The following DENND1A variants were observed in gnomAD, a reference collection of about 807,000 sequenced individuals.
DENND1A encodes the protein DENN domain containing 1A, also known as DENN domain-containing protein 1A.
DENND1A carries 51 observed loss-of-function variants against 113.7 expected under a neutral mutation model. The observed-to-expected ratio is 0.45, with a 90% CI of 0.36 to 0.57. DENND1A has a LOEUF of 0.57. Ranked by LOEUF, DENND1A falls within the 20% of genes least tolerant of loss-of-function variation. DENND1A has a pLI of 0.00. For missense variants in DENND1A, 1,258 were observed against 1,395.9 expected (o/e 0.90, Z 1.57); for synonymous variants, 565 against 570.8 (o/e 0.99, Z 0.14).
chr9:123,664,992 T>C (rs1233986427), intron 8 of DENND1A, among the ~76,000 whole-genome samples: 1 of 152,222 alleles, frequency 6.6e-6, no homozygotes, highest in African/African-American at 2.4e-5. Flanking sequence ...CAACTATCAG[T>C]AATCATCTCC....
At chr9:123,809,020 G>T (rs1836089764) in intron 2 of DENND1A, among the ~76,000 whole-genome samples, 1 of 152,162 alleles carries the variant, frequency 6.6e-6, no homozygotes, top group African/African-American at 2.4e-5. Flanking sequence ...TATGATTTAG[G>T]TTCTGCCAGT....
At chr9:123,683,187 GA>G (rs2064583586) in intron 5 of DENND1A, among the ~76,000 whole-genome samples, 1 of 152,160 alleles carries the variant, frequency 6.6e-6, no homozygotes, top group Non-Finnish European at 1.5e-5. Context: ...GGACATGCTG[GA>G]TACCTGCACA....
intron 19 of DENND1A, among the ~76,000 whole-genome samples, chr9:123,415,786 G>A (rs886379608): frequency 1.3e-5 from 2 of 152,224 alleles, no homozygotes; most frequent in East Asian, 1.9e-4. Context: ...CGCAGGGCCA[G>A]GGGCACAGTG....
At chr9:123,813,826 C>G (rs1202575641) in intron 2 of DENND1A, among the ~76,000 whole-genome samples, 2 of 152,110 alleles carry the variant, frequency 1.3e-5, no homozygotes, top group Admixed American at 1.3e-4. Context: ...TTTTACCTAG[C>G]CCTCAAAATT....
chr9:123,666,740 C>T (rs1035161258), intron 8 of DENND1A, among the ~76,000 whole-genome samples: 7 of 151,978 alleles, frequency 4.6e-5, no homozygotes, highest in Non-Finnish European at 1.0e-4. Context: ...AAAATACATT[C>T]TAAAAAGAGG....
At chr9:123,596,431 T>A (rs995528058) in intron 11 of DENND1A, among the ~76,000 whole-genome samples, 5 of 152,244 alleles carry the variant, frequency 3.3e-5, no homozygotes, top group African/African-American at 1.2e-4. Flanking sequence ...TTAGAATGTA[T>A]TATTTTAAAA....
At chr9:123,463,908 CAAAAA>C (rs373633673) in intron 13 of DENND1A, among the ~76,000 whole-genome samples, 1 of 123,106 alleles carries the variant, frequency 8.1e-6, no homozygotes, top group African/African-American at 3.1e-5. Context: ...GACTCCAGCT[CAAAAA>C]AAAAAAAAAA....
At chr9:123,450,823 C>A in intron 17 of DENND1A, 74 bp from the exon 18 acceptor site, 2 of 1,205,036 alleles carry the variant, frequency 1.7e-6, no homozygotes, top group South Asian at 1.4e-5. Context: ...TTCAGTCCAT[C>A]GAGAATCACC....
chr9:123,386,491 C>T (rs955196734), intron 22 of DENND1A, among the ~76,000 whole-genome samples: 2 of 151,576 alleles, frequency 1.3e-5, no homozygotes, highest in African/African-American at 4.9e-5. Flanking sequence ...AAGTGATTCT[C>T]GTGCCTCAGC....
intron 2 of DENND1A, among the ~76,000 whole-genome samples, chr9:123,866,857 C>T (rs1590450644): frequency 6.6e-6 from 1 of 152,168 alleles, no homozygotes. Flanking sequence ...GAAATCTGAA[C>T]CTAAGTCTGT....
chr9:123,925,285 T>C (rs1020799283), intron 1 of DENND1A, among the ~76,000 whole-genome samples: 4 of 152,128 alleles, frequency 2.6e-5, no homozygotes, highest in African/African-American at 9.7e-5. Flanking sequence ...CCATCACTAC[T>C]GCCTCTACTC....
intron 2 of DENND1A, among the ~76,000 whole-genome samples, chr9:123,856,948 G>C (rs1844306045): frequency 1.3e-5 from 2 of 152,110 alleles, no homozygotes; most frequent in South Asian, 4.1e-4. Flanking sequence ...AAACTTGAAT[G>C]AATCGGTGGT....
In DENND1A at chr9:123,599,578, G is replaced by A. The variant is rs191339548; in HGVS notation, c.765+9858C>T. Among the ~76,000 whole-genome samples the A allele has an allele frequency of 2.0e-5, 3 of 152,212 alleles. No individual in the cohort carries two copies. The East Asian group carries it at 5.8e-4, about 29-fold the overall frequency. On this transcript the variant is annotated intron_variant, in intron 11 of 23. Coordinates refer to ENST00000394215, the MANE Select transcript of DENND1A (RefSeq NM_001352964.2). ...TGGCAGGTGTCCTCATTTTGCTGAT[G>A]GGGATATTAAGGCACACACCCACAG...
chr9:123,455,425 AC>A (rs1442977506), intron 15 of DENND1A, among the ~76,000 whole-genome samples: 6 of 152,254 alleles, frequency 3.9e-5, no homozygotes, highest in African/African-American at 9.6e-5. Flanking sequence ...GGGTCCATAA[AC>A]CAGCATCCTC....
chr9:123,595,571 T>A (rs2059647991), intron 11 of DENND1A, among the ~76,000 whole-genome samples: 2 of 152,060 alleles, frequency 1.3e-5, no homozygotes, highest in Admixed American at 1.3e-4. Flanking sequence ...CCCCATTCTC[T>A]CCCCGACATG....
At chr9:123,820,790 G>A (rs1040641759) in intron 2 of DENND1A, among the ~76,000 whole-genome samples, 17 of 152,022 alleles carry the variant, frequency 1.1e-4, no homozygotes, top group African/African-American at 4.1e-4. Context: ...TAATGTAATA[G>A]CAATTGTTCA....
Position 123,440,890 on chromosome 9 carries a change from T to C in DENND1A, c.1357-399A>G, listed in dbSNP as rs111578956. Among the ~76,000 whole-genome samples, 1,109 of 152,356 alleles carry C rather than the reference T, an allele frequency of 7.3e-3. 15 individuals are homozygous for C. The highest frequency in any genetic ancestry group is 0.025 in the African/African-American group (1,052 of 41,574). ...CTATATTATAAGCATTTTCATGTTG[T>C]TACAAAGTCATTACAAAAATAATTT... On this transcript the variant is annotated intron_variant, in intron 18 of 23. Transcript: ENST00000394215.
At chr9:123,800,208 C>T (rs1408755947) in intron 2 of DENND1A, among the ~76,000 whole-genome samples, 2 of 152,222 alleles carry the variant, frequency 1.3e-5, no homozygotes, top group South Asian at 2.1e-4. Flanking sequence ...CCCAGATTTA[C>T]AGAAACCCTG....
intron 2 of DENND1A, among the ~76,000 whole-genome samples, chr9:123,877,458 C>A (rs373660937): frequency 9.9e-5 from 15 of 151,890 alleles, no homozygotes; most frequent in African/African-American, 3.6e-4. Context: ...CATTGCACTC[C>A]AGCCTGGGCG....
Sources: allele counts gnomAD v4.1 joint callset (sites outside exome capture counted in the v4.1 genomes callset), GRCh38; gene constraint gnomAD v4.1.1; transcripts MANE v1.5; gene names NCBI Gene and HGNC (gene_info 2026-07-23, HGNC 2026-07-21).